CLEC1A: variants seen among roughly 807,000 people sequenced by gnomAD.
CLEC1A encodes C-type lectin domain family 1 member A.
In CLEC1A, 34 loss-of-function variants were observed where a neutral mutation model predicts 28.7. The observed-to-expected ratio is 1.18, with a 90% CI of 0.90 to 1.57. The LOEUF (loss-of-function observed/expected upper bound fraction) is 1.57, where lower values mean the gene tolerates loss of function less well. Among genes scored for constraint, CLEC1A ranks in the 40% most tolerant of loss-of-function variants. The pLI is 0.00. For synonymous variants in CLEC1A, 116 were observed against 121.0 expected (o/e 0.96, Z 0.27); for missense variants, 385 against 339.5 (o/e 1.13, Z -1.05).
At chr12:10,079,124 T>C (rs1306612202) in intron 3 of CLEC1A, among the ~76,000 whole-genome samples, 1 of 152,208 alleles carries the variant, frequency 6.6e-6, no homozygotes, top group Non-Finnish European at 1.5e-5. Context: ...TTTTTCAATA[T>C]ACTTACTTCT....
chr12:10,076,779 G>C (rs186757803), intron 3 of CLEC1A, among the ~76,000 whole-genome samples: 1 of 152,164 alleles, frequency 6.6e-6, no homozygotes, highest in Non-Finnish European at 1.5e-5. Flanking sequence ...ATAAAGGTCC[G>C]TTTCAACTAT....
intron 1 of CLEC1A, among the ~76,000 whole-genome samples, chr12:10,094,680 A>G (rs1392485271): frequency 6.6e-6 from 1 of 152,170 alleles, no homozygotes; most frequent in East Asian, 1.9e-4. Flanking sequence ...ATCAATATTT[A>G]TACATGGCAG....
intron 4 of CLEC1A, among the ~76,000 whole-genome samples, chr12:10,074,376 G>A (rs1010321067): frequency 6.6e-6 from 1 of 152,120 alleles, no homozygotes; most frequent in African/African-American, 2.4e-5. Context: ...AATAACTGTA[G>A]TTGAAAATAT....
rs570961635 is a variant in CLEC1A at position 10,092,939 on chromosome 12, T to C, written c.116-3717A>G. On this transcript the variant is annotated intron_variant, in intron 1 of 5. Coordinates refer to ENST00000315330, the MANE Select transcript of CLEC1A (RefSeq NM_016511.4). The stretch of plus-strand genomic sequence containing the variant: ...TCTCTCGCTTTCTCTCTCTCTCTTT[T>C]TCAAAATTCTCCTTCCAATCATTCT... Among the ~76,000 whole-genome samples the C allele has an allele frequency of 4.6e-5, 7 of 152,278 alleles. No individual in the cohort carries two copies. In the South Asian group the frequency reaches 1.5e-3, roughly 32 times the overall value.
chr12:10,094,876 C>T (rs2137374292), intron 1 of CLEC1A, among the ~76,000 whole-genome samples: 1 of 152,264 alleles, frequency 6.6e-6, no homozygotes, highest in South Asian at 2.1e-4. Flanking sequence ...TATCAGGCTC[C>T]TCCTAATAGG....
intron 2 of CLEC1A, among the ~76,000 whole-genome samples, chr12:10,085,818 T>C (rs192163718): frequency 3.3e-5 from 5 of 152,154 alleles, no homozygotes; most frequent in African/African-American, 9.7e-5. Flanking sequence ...CTTAAAACTA[T>C]ATCCTAGGAC....
At position 10,098,535 on chromosome 12, in the gene CLEC1A, G is replaced by A. The variant is rs973575671; in HGVS notation, c.115+273C>T. Among the ~76,000 whole-genome samples the A allele has an allele frequency of 2.6e-5, 4 of 152,026 alleles. No homozygotes were observed. The East Asian group carries it at 7.7e-4, about 29-fold the overall frequency. On this transcript the variant is annotated intron_variant, in intron 1 of 5. Coordinates refer to ENST00000315330, the MANE Select transcript of CLEC1A (RefSeq NM_016511.4). ...TTTAGGACCTAGAACCTAGTCCTGTGTATATTACCATGTGAGTCCTTTTCA... is the reference window on the plus strand; with the variant it reads ...TTTAGGACCTAGAACCTAGTCCTGTATATATTACCATGTGAGTCCTTTTCA...
intron 1 of CLEC1A, among the ~76,000 whole-genome samples, chr12:10,090,853 T>C (rs746454408): frequency 2.0e-5 from 3 of 152,128 alleles, no homozygotes; most frequent in Non-Finnish European, 1.5e-5. Context: ...TTATGCTACT[T>C]CCCTACTTAA....
chr12:10,090,994 T>C (rs2137366876), intron 1 of CLEC1A, among the ~76,000 whole-genome samples: 1 of 152,292 alleles, frequency 6.6e-6, no homozygotes, highest in South Asian at 2.1e-4. Flanking sequence ...CGGTCTCCCG[T>C]TTAGTCCTTG....
At position 10,077,581 on chromosome 12, in the gene CLEC1A, A is replaced by G. The variant is rs189048947; in HGVS notation, c.392-1926T>C. On this transcript the variant is annotated intron_variant, in intron 3 of 5. Transcript: ENST00000315330. The stretch of plus-strand genomic sequence containing the variant: ...TCTAAACGGAACATGTACACTTTCT[A>G]TGAACTCTCTTTACCTATAAATTAC... 3.7e-3 allele frequency among the ~76,000 whole-genome samples: 567 copies of G among 152,290 alleles called. 5 individuals carry two copies. The highest frequency in any genetic ancestry group is 0.013 in the African/African-American group (533 of 41,556).
In CLEC1A at chr12:10,071,242, T is replaced by C. The variant is rs1866120006; in HGVS notation, c.*91A>G. The C allele has an allele frequency of 8.2e-7, 1 of 1,223,040 alleles. No homozygotes were observed. Among genetic ancestry groups the C allele is most frequent in the Non-Finnish European group, 1.2e-6 (1 of 866,718 alleles). The allele number at this position is 1,223,040 out of a possible 1,614,324, so 75.8% of individuals were successfully genotyped here. ...TTGTACTAGTCAGAGAGATAGTCTT[T>C]CCTGATTATGTTCCATTTCCCAATG... is the stretch of plus-strand genomic sequence containing the variant. On this transcript the variant is annotated 3_prime_UTR_variant, in exon 6 of 6. Coordinates refer to ENST00000315330, the MANE Select transcript of CLEC1A (RefSeq NM_016511.4).
chr12:10,080,824 T>C (rs1866351990), intron 3 of CLEC1A, among the ~76,000 whole-genome samples: 1 of 152,194 alleles, frequency 6.6e-6, no homozygotes, highest in African/African-American at 2.4e-5. Flanking sequence ...AACTTGAATT[T>C]GATTCAGGTT....
chr12:10,087,475 TATATATATATA>T (rs1866521636), intron 2 of CLEC1A, among the ~76,000 whole-genome samples: 2 of 1,412 alleles, frequency 1.4e-3, no homozygotes, highest in Non-Finnish European at 0.011. Flanking sequence ...CTCAAAGTTA[TATATATATATA>T]TATATATATA....
At position 10,071,089 on chromosome 12, in the gene CLEC1A, G is replaced by A. The variant is rs1232050937; in HGVS notation, c.*244C>T. Reference sequence around the variant, plus strand: ...AAGTTATCTCTAAGCCAAGAAGGCAGATGACATTATGGGTTTCTGAGGTTG... The same window carrying A: ...AAGTTATCTCTAAGCCAAGAAGGCAAATGACATTATGGGTTTCTGAGGTTG... On this transcript the variant is annotated 3_prime_UTR_variant, in exon 6 of 6. Coordinates refer to ENST00000315330, the MANE Select transcript of CLEC1A (RefSeq NM_016511.4). 2 of 339,098 alleles carry A rather than the reference G, an allele frequency of 5.9e-6. No individual in the cohort carries two copies. The highest frequency in any genetic ancestry group is 1.1e-5 in the Non-Finnish European group (2 of 188,042). The allele number at this position is 339,098 out of a possible 1,614,324, so 21.0% of individuals were successfully genotyped here. A position where few individuals can be genotyped will look rare whatever the true frequency, so the allele number is the denominator to read the frequency against.
intron 2 of CLEC1A, among the ~76,000 whole-genome samples, chr12:10,085,522 T>A: frequency 9.0e-6 from 1 of 111,696 alleles, no homozygotes; most frequent in Non-Finnish European, 1.8e-5. Context: ...AAACAGACAT[T>A]AAAGCAAAAA....
intron 3 of CLEC1A, among the ~76,000 whole-genome samples, chr12:10,077,337 A>G (rs1228967226): frequency 2.6e-5 from 4 of 152,282 alleles, no homozygotes; most frequent in South Asian, 2.1e-4. Flanking sequence ...AGGTACAGAC[A>G]TAGATATAGA....
intron 1 of CLEC1A, among the ~76,000 whole-genome samples, chr12:10,094,188 C>G (rs1048586077): frequency 1.3e-5 from 2 of 151,982 alleles, no homozygotes; most frequent in East Asian, 3.8e-4. Context: ...AATTCAAAAA[C>G]AACATTACCA....
In CLEC1A at chr12:10,076,889, T is replaced by C. The variant is rs75806632; in HGVS notation, c.392-1234A>G. ...CAACTGGACTCAGCAAGGAGAATCTTGGTTCATTCTGCTCTGGATTCAATA... is the reference window on the plus strand; with the variant it reads ...CAACTGGACTCAGCAAGGAGAATCTCGGTTCATTCTGCTCTGGATTCAATA... On this transcript the variant is annotated intron_variant, in intron 3 of 5. Transcript: ENST00000315330. Among the ~76,000 whole-genome samples, 592 of 152,312 alleles carry C rather than the reference T, an allele frequency of 3.9e-3. 2 individuals are homozygous for C. The highest frequency in any genetic ancestry group is 0.014 in the African/African-American group (563 of 41,574).
At chr12:10,092,553 A>G (rs1308837895) in intron 1 of CLEC1A, 1 of 136,584 alleles carries the variant, frequency 7.3e-6, no homozygotes, top group South Asian at 4.3e-5. Context: ...TCTCAAAAGT[A>G]GTAATGAAAT....
Sources: gnomAD v4.1 joint callset for allele counts (sites outside exome capture counted in the v4.1 genomes callset) on GRCh38, gnomAD v4.1.1 for gene constraint, MANE v1.5 for transcripts, NCBI Gene and HGNC (gene_info 2026-07-23, HGNC 2026-07-21) for gene names.